PCDHA9: variants seen among roughly 807,000 people sequenced by gnomAD.
PCDHA9 encodes the protein protocadherin alpha 9, also known as protocadherin alpha-9.
PCDHA9 carries 62 observed loss-of-function variants against 62.0 expected under a neutral mutation model. The ratio of observed to expected loss-of-function variants is 1.00; its 90% CI spans 0.81 to 1.23. The LOEUF is 1.23. Among genes scored for constraint, PCDHA9 ranks in the 50% most tolerant of loss-of-function variants. PCDHA9 has a pLI of 0.00. For synonymous variants in PCDHA9, 557 were observed against 567.6 expected (o/e 0.98, Z 0.27); for missense variants, 1,205 against 1,249.8 (o/e 0.96, Z 0.54).
chr5:141,004,037 G>A (rs946974688), intron 3 of PCDHA9, among the ~76,000 whole-genome samples: 1 of 152,200 alleles, frequency 6.6e-6, no homozygotes, highest in African/African-American at 2.4e-5. Flanking sequence ...TTCCTTGATT[G>A]ATCATTTGCT....
Position 140,924,728 on chromosome 5 carries a change from C to G in PCDHA9, c.2395-54221C>G, listed in dbSNP as rs191622894. Among the ~76,000 whole-genome samples, 1,223 of 151,892 alleles carry G rather than the reference C, an allele frequency of 8.1e-3. 6 individuals carry two copies. The highest frequency in any genetic ancestry group is 0.019 in the African/African-American group (789 of 41,420). ...TGTGCAACATGGCGAAACCTCACCT[C>G]TAATAAAAATACAAAAATTAACCGA... On this transcript the variant is annotated intron_variant, in intron 1 of 3. Transcript: ENST00000532602.
At chr5:140,877,435 G>A (rs1354877569) in intron 1 of PCDHA9, 1 of 1,613,736 alleles carries the variant, frequency 6.2e-7, no homozygotes, top group African/African-American at 1.3e-5. Context: ...GAAGGACCAC[G>A]GTGAGCCCGC....
intron 1 of PCDHA9, chr5:140,927,597 C>T (rs781933372): frequency 1.2e-6 from 2 of 1,614,200 alleles, no homozygotes; most frequent in South Asian, 1.1e-5. Context: ...TATTTGAGCG[C>T]TCCGTATACC....
chr5:140,967,278 G>A (rs2096121968), intron 1 of PCDHA9: 1 of 1,613,290 alleles, frequency 6.2e-7, no homozygotes. Flanking sequence ...CACATAGAGA[G>A]TGCGCAGGAC....
chr5:140,884,060 G>C (rs781956914), intron 1 of PCDHA9: 4 of 1,613,548 alleles, frequency 2.5e-6, no homozygotes, highest in Non-Finnish European at 3.4e-6. Context: ...GCGCGCGGTG[G>C]ACGCCGATTC....
intron 1 of PCDHA9, chr5:140,870,277 G>A: frequency 6.2e-7 from 1 of 1,614,168 alleles, no homozygotes; most frequent in Non-Finnish European, 8.5e-7. Context: ...GACGCCCCAC[G>A]TTCCCTTCAA....
At chr5:140,987,893 G>A (rs571929057) in intron 3 of PCDHA9, among the ~76,000 whole-genome samples, 82 of 152,138 alleles carry the variant, frequency 5.4e-4, no homozygotes, top group Admixed American at 1.5e-3. Context: ...ATGTGCCCTA[G>A]TTTTATATGG....
chr5:140,978,188 C>A (rs1480380395), intron 1 of PCDHA9, among the ~76,000 whole-genome samples: 2 of 152,176 alleles, frequency 1.3e-5, no homozygotes, highest in Non-Finnish European at 2.9e-5. Context: ...GGCAACAGAT[C>A]TTTTCAATAC....
chr5:140,993,293 A>T (rs1445204823), intron 3 of PCDHA9, among the ~76,000 whole-genome samples: 1 of 152,062 alleles, frequency 6.6e-6, no homozygotes, highest in Non-Finnish European at 1.5e-5. Context: ...CAGGGTCACA[A>T]CCTTGCCTCC....
intron 1 of PCDHA9, among the ~76,000 whole-genome samples, chr5:140,917,167 ATGG>A (rs1237150759): frequency 6.6e-6 from 1 of 152,160 alleles, no homozygotes; most frequent in African/African-American, 2.4e-5. Flanking sequence ...GGGAGGGGTG[ATGG>A]TGGTGATCCC....
intron 1 of PCDHA9, chr5:140,856,279 T>A (rs1554148476): frequency 1.3e-6 from 2 of 1,598,260 alleles, no homozygotes; most frequent in East Asian, 2.2e-5. Flanking sequence ...TGGAGGTAAA[T>A]CTGCAGAATG....
chr5:140,871,716 C>G (rs1315028077), intron 1 of PCDHA9: 6 of 796,846 alleles, frequency 7.5e-6, no homozygotes, highest in Non-Finnish European at 1.1e-5. Flanking sequence ...TGTCCTATTT[C>G]TCTTAATATT....
chr5:140,897,304 G>A (rs1297881439), intron 1 of PCDHA9, among the ~76,000 whole-genome samples: 1 of 150,768 alleles, frequency 6.6e-6, no homozygotes, highest in Non-Finnish European at 1.5e-5. Flanking sequence ...TTTAGCATTA[G>A]GTATATCTCC....
chr5:140,875,450 C>A, intron 1 of PCDHA9: 1 of 1,590,616 alleles, frequency 6.3e-7, no homozygotes, highest in Non-Finnish European at 8.6e-7. Context: ...ATTGTCCCAA[C>A]TCAGAGGCCC....
chr5:140,975,139 C>G (rs2096655397), intron 1 of PCDHA9, among the ~76,000 whole-genome samples: 1 of 152,154 alleles, frequency 6.6e-6, no homozygotes, highest in Non-Finnish European at 1.5e-5. Flanking sequence ...GGCCTGGGGT[C>G]ACTCTCAGTT....
intron 3 of PCDHA9, among the ~76,000 whole-genome samples, chr5:141,005,129 C>T (rs1554259896): frequency 6.6e-6 from 1 of 152,180 alleles, no homozygotes; most frequent in African/African-American, 2.4e-5. Context: ...CCAAAAGTGC[C>T]TCATTGGAGA....
intron 1 of PCDHA9, chr5:140,853,156 G>A (rs2150528996): frequency 1.1e-6 from 1 of 904,258 alleles, no homozygotes; most frequent in South Asian, 5.0e-5. Context: ...TGGGATTACA[G>A]GCGTGAGCCA....
At chr5:140,851,138 G>T in intron 1 of PCDHA9, 2 of 1,312,402 alleles carry the variant, frequency 1.5e-6, no homozygotes, top group Non-Finnish European at 2.0e-6. Context: ...TGTGATTAAA[G>T]TGACATTGAA....
At chr5:140,896,960 T>C (rs1242760287) in intron 1 of PCDHA9, among the ~76,000 whole-genome samples, 1 of 152,234 alleles carries the variant, frequency 6.6e-6, no homozygotes, top group Non-Finnish European at 1.5e-5. Context: ...CTTAAACATT[T>C]ATTCTTTGCA....
Sources: allele counts gnomAD v4.1 joint callset (sites outside exome capture counted in the v4.1 genomes callset), GRCh38; gene constraint gnomAD v4.1.1; transcripts MANE v1.5; gene names NCBI Gene and HGNC (gene_info 2026-07-23, HGNC 2026-07-21).